PTPRO: variants seen among roughly 807,000 people sequenced by gnomAD.
PTPRO encodes the protein protein tyrosine phosphatase receptor type O.
In PTPRO, 62 loss-of-function variants were observed where a neutral mutation model predicts 145.2. The observed-to-expected ratio is 0.43, with a 90% confidence interval of 0.35 to 0.53. PTPRO has a LOEUF of 0.53. Ranked by LOEUF, PTPRO falls within the 20% of genes least tolerant of loss-of-function variation. The pLI is 0.01. For missense variants in PTPRO, 1,345 were observed against 1,482.7 expected, an observed-to-expected ratio of 0.91 and a Z score of 1.53; for synonymous variants, 565 against 514.7, an observed-to-expected ratio of 1.10 and a Z score of -1.32.
intron 7 of PTPRO, among the ~76,000 whole-genome samples, chr12:15,514,548 CTGGCAGGG>C (rs1942536523): frequency 6.6e-6 from 1 of 151,582 alleles, no homozygotes; most frequent in African/African-American, 2.4e-5. Flanking sequence ...CTACAACAGC[CTGGCAGGG>C]TGCTTACCAG....
intron 1 of PTPRO, among the ~76,000 whole-genome samples, chr12:15,360,030 T>C (rs1938126052): frequency 1.3e-5 from 2 of 152,188 alleles, no homozygotes; most frequent in Non-Finnish European, 2.9e-5. Context: ...TCTTTATCTT[T>C]CAAGCCACCA....
intron 1 of PTPRO, among the ~76,000 whole-genome samples, chr12:15,473,857 T>C (rs1941597091): frequency 6.6e-6 from 1 of 151,890 alleles, no homozygotes; most frequent in Admixed American, 6.6e-5. Context: ...ATTTATTGAG[T>C]TCATAGTGTT....
chr12:15,595,181 C>T, intron 26 of PTPRO, 124 bp downstream of exon 26: 1 of 716,894 alleles, frequency 1.4e-6, no homozygotes, highest in East Asian at 2.8e-5. Flanking sequence ...AGTATTTCTT[C>T]CCAGCTCCTG....
At chr12:15,517,660 A>G (rs1159845115) in intron 9 of PTPRO, among the ~76,000 whole-genome samples, 1 of 152,228 alleles carries the variant, frequency 6.6e-6, no homozygotes. Flanking sequence ...AATGGGAAAC[A>G]TTGACCAAAA....
At chr12:15,563,070 A>G (rs1421470258) in intron 17 of PTPRO, among the ~76,000 whole-genome samples, 2 of 152,150 alleles carry the variant, frequency 1.3e-5, no homozygotes, top group African/African-American at 4.8e-5. Flanking sequence ...GAATTGCAGT[A>G]TGGATGGCTT....
rs1272186428 is a variant in PTPRO, at chr12:15,581,803, T to C, written c.3255+2T>C. The C allele has an allele frequency of 1.9e-6, 3 of 1,613,622 alleles. No homozygotes were observed. Among genetic ancestry groups the C allele is most frequent in the Non-Finnish European group, 2.5e-6 (3 of 1,179,780 alleles). On this transcript the variant is annotated splice_donor_variant, in intron 23 of 26. Coordinates refer to ENST00000281171, the MANE Select transcript of PTPRO (RefSeq NM_030667.3). LOFTEE classifies it high-confidence loss of function. Reference sequence around the variant, plus strand: ...TGTAGACACTTCCGGATCAACTATGTAAGTCACCAGGCAGAGAGCAGGTGC... The same window carrying C: ...TGTAGACACTTCCGGATCAACTATGCAAGTCACCAGGCAGAGAGCAGGTGC...
intron 12 of PTPRO, 95 bp downstream of exon 12, chr12:15,526,357 G>A: frequency 6.6e-7 from 1 of 1,515,238 alleles, no homozygotes; most frequent in Non-Finnish European, 9.1e-7. Flanking sequence ...AATAATAACA[G>A]AAAAATGGCT....
intron 1 of PTPRO, among the ~76,000 whole-genome samples, chr12:15,368,267 A>G (rs1938423296): frequency 6.6e-6 from 1 of 151,900 alleles, no homozygotes; most frequent in African/African-American, 2.4e-5. Flanking sequence ...CCACCACCAC[A>G]CCATGCTCCA....
chr12:15,381,089 T>C (rs534032160), intron 1 of PTPRO, among the ~76,000 whole-genome samples: 1 of 152,316 alleles, frequency 6.6e-6, no homozygotes, highest in South Asian at 2.1e-4. Context: ...AATACTGTTC[T>C]TTCATGAGAT....
chr12:15,441,975 G>A (rs1565631653), intron 1 of PTPRO, among the ~76,000 whole-genome samples: 1 of 152,096 alleles, frequency 6.6e-6, no homozygotes, highest in African/African-American at 2.4e-5. Context: ...AAATCAAGAA[G>A]GGAGTCCCTT....
At chr12:15,537,931 G>A (rs1943098664) in intron 12 of PTPRO, among the ~76,000 whole-genome samples, 1 of 152,156 alleles carries the variant, frequency 6.6e-6, no homozygotes, top group African/African-American at 2.4e-5. Flanking sequence ...GATCATGATA[G>A]CCGCTTGTGG....
intron 1 of PTPRO, among the ~76,000 whole-genome samples, chr12:15,395,675 G>A (rs1939317325): frequency 1.3e-5 from 2 of 152,112 alleles, no homozygotes; most frequent in African/African-American, 4.8e-5. Context: ...CAGCATGAGA[G>A]AAGAAAGGAA....
chr12:15,419,802 G>A (rs1437181403), intron 1 of PTPRO, among the ~76,000 whole-genome samples: 1 of 151,406 alleles, frequency 6.6e-6, no homozygotes, highest in Non-Finnish European at 1.5e-5. Flanking sequence ...ATTACTAGAT[G>A]TACATTCAAA....
intron 25 of PTPRO, among the ~76,000 whole-genome samples, chr12:15,592,138 C>A (rs1048474547): frequency 2.0e-5 from 3 of 151,722 alleles, no homozygotes; most frequent in Non-Finnish European, 4.4e-5. Flanking sequence ...TTTATTTTTT[C>A]CTTGTTCCTC....
At chr12:15,516,318 CAT>C (rs1271541772) in intron 8 of PTPRO, among the ~76,000 whole-genome samples, 1 of 124,688 alleles carries the variant, frequency 8.0e-6, no homozygotes, top group Non-Finnish European at 1.6e-5. Flanking sequence ...GCCTTGGTAA[CAT>C]AGCAAGACCC....
intron 7 of PTPRO, among the ~76,000 whole-genome samples, chr12:15,514,470 A>AAT (rs1555171714): frequency 1.3e-4 from 18 of 143,044 alleles, no homozygotes; most frequent in African/African-American, 4.9e-4. Flanking sequence ...AAAAAAAAAA[A>AAT]AAAGAAAGAA....
chr12:15,512,110 T>TG (rs1792044130), intron 7 of PTPRO, among the ~76,000 whole-genome samples: 1 of 151,816 alleles, frequency 6.6e-6, no homozygotes, highest in Non-Finnish European at 1.5e-5. Flanking sequence ...TTTTTTTGTT[T>TG]GTTTGTTTTT....
intron 1 of PTPRO, among the ~76,000 whole-genome samples, chr12:15,417,189 T>C (rs531653870): frequency 6.6e-6 from 1 of 151,746 alleles, no homozygotes; most frequent in East Asian, 1.9e-4. Context: ...ATACAGACGC[T>C]ACTCAGCTTA....
intron 1 of PTPRO, among the ~76,000 whole-genome samples, chr12:15,367,533 A>G (rs549834661): frequency 1.8e-4 from 28 of 152,340 alleles, no homozygotes; most frequent in African/African-American, 6.0e-4. Flanking sequence ...CTAAATTAAT[A>G]TCTTCAACCT....
Sources: allele counts gnomAD v4.1 joint callset (sites outside exome capture counted in the v4.1 genomes callset), GRCh38; gene constraint gnomAD v4.1.1; transcripts MANE v1.5; gene names NCBI Gene and HGNC (gene_info 2026-07-23, HGNC 2026-07-21).